The following NRK variants were observed in gnomAD, a reference collection of about 807,000 sequenced individuals.
The protein encoded by NRK is nik-related protein kinase.
NRK carries 67 observed loss-of-function variants against 125.2 expected under a neutral mutation model. The observed-to-expected ratio is 0.54, with a 90% CI of 0.44 to 0.66. NRK has a LOEUF of 0.66. Ranked by LOEUF, NRK falls within the 30% of genes least tolerant of loss-of-function variation. The pLI is 0.00. For synonymous variants in NRK, 458 were observed against 429.0 expected (o/e 1.07, Z -0.84); for missense variants, 1,224 against 1,192.9 (o/e 1.03, Z -0.38).
At chrX:105,826,205 A>T (rs2039095831) in intron 1 of NRK, among the ~76,000 whole-genome samples, 1 of 89,999 alleles carries the variant, frequency 1.1e-5, no homozygotes, top group East Asian at 3.2e-4. Flanking sequence ...ATATTATCAT[A>T]TATATAATAA....
At chrX:105,864,419 A>T (rs960106045) in intron 2 of NRK, among the ~76,000 whole-genome samples, 3 of 111,635 alleles carry the variant, frequency 2.7e-5, no homozygotes, top group Non-Finnish European at 5.6e-5. Flanking sequence ...CTTTTAAAAT[A>T]AAAAAAATTA....
intron 23 of NRK, among the ~76,000 whole-genome samples, chrX:105,940,402 C>T (rs919254750): frequency 7.3e-5 from 8 of 109,973 alleles, no homozygotes; most frequent in African/African-American, 2.3e-4. Context: ...ATAGCTTCAG[C>T]TATATAAATG....
chrX:105,828,928 T>C (rs988515777), intron 1 of NRK, among the ~76,000 whole-genome samples: 3 of 112,263 alleles, frequency 2.7e-5, no homozygotes, highest in Non-Finnish European at 5.6e-5. Flanking sequence ...TAACTGTGTA[T>C]TGTGATCTTA....
chrX:105,921,668 T>C (rs2099699610), intron 16 of NRK, among the ~76,000 whole-genome samples: 1 of 108,749 alleles, frequency 9.2e-6, no homozygotes, highest in Non-Finnish European at 1.9e-5. Context: ...AGTTGGACTA[T>C]GTATCTTCTT....
chrX:105,930,869 C>A (rs1167274495), intron 19 of NRK, among the ~76,000 whole-genome samples: 1 of 111,542 alleles, frequency 9.0e-6, no homozygotes, highest in East Asian at 2.8e-4. Context: ...GCCCAGGCTG[C>A]AAAAGTTTGT....
intron 5 of NRK, among the ~76,000 whole-genome samples, chrX:105,892,095 T>C (rs2040023068): frequency 8.9e-6 from 1 of 111,885 alleles, no homozygotes; most frequent in Admixed American, 9.6e-5. Context: ...GGTGTTGTGC[T>C]AGATGCTGAG....
intron 2 of NRK, among the ~76,000 whole-genome samples, chrX:105,869,332 C>A (rs771104576): frequency 9.0e-6 from 1 of 111,622 alleles, no homozygotes; most frequent in South Asian, 3.8e-4. Context: ...TCTCTCATGT[C>A]TATGTTTAAA....
rs1284599594 is a variant in NRK at position 105,949,648 on chromosome X, TC to T, written c.4428del (p.Phe1476LeufsTer29). On this transcript the variant is annotated frameshift_variant, in exon 27 of 29. Transcript: ENST00000243300. LOFTEE classifies it high-confidence loss of function. Reference protein sequence around the residue: ...DCLGIGMMLTFNAEALSVEAN... With the variant: ...DCLGIGMMLTXNAEALSVEAN... The stretch of plus-strand genomic sequence containing the variant: ...TTGGGAATTGGCATGATGCTCACCT[TC>T]AATGCTGAAGCCCTCTCTGTGGAAG... The T allele has an allele frequency of 8.4e-7, 1 of 1,193,834 alleles. No individual in the cohort carries two copies. Among genetic ancestry groups the T allele is most frequent in the Non-Finnish European group, 1.1e-6 (1 of 881,135 alleles).
intron 7 of NRK, among the ~76,000 whole-genome samples, chrX:105,895,996 A>G (rs1305495742): frequency 8.9e-6 from 1 of 112,030 alleles, no homozygotes; most frequent in Middle Eastern, 4.2e-3. Context: ...TCAGATATGT[A>G]AAGAAATGAT....
At chrX:105,906,655 G>A in intron 11 of NRK, 66 bp downstream of exon 11, 1 of 586,695 alleles carries the variant, frequency 1.7e-6, no homozygotes, top group Non-Finnish European at 2.5e-6. Flanking sequence ...ATTGTTTCCA[G>A]GAAAAAGTAA....
chrX:105,923,458 A>T lies in NRK; in HGVS notation c.2951A>T (p.Tyr984Phe), dbSNP rs1314003801. 8.8e-7 allele frequency: 1 copy of T among 1,139,179 alleles called. No homozygotes were observed. Among genetic ancestry groups the T allele is most frequent in the Admixed American group, 2.7e-5 (1 of 37,001 alleles). 93.9% of individuals were successfully genotyped at this position (1,139,179 alleles called of 1,213,427 possible). The part of the protein sequence containing the change: ...NKFVDDVNNN[Y>F]YEAPSCPRAS... ...TTTGTTGATGATGTAAATAATAATT[A>T]TTATGAGGCGCCTAGTTGTCCAAGG... Residue 984 changes from tyrosine to phenylalanine, a missense_variant, in exon 18 of 29, where the codon TAT becomes TTT. By Grantham distance (22) the Tyr-to-Phe change is conservative. Transcript: ENST00000243300.
chrX:105,860,215 C>T (rs1051812177), intron 2 of NRK, among the ~76,000 whole-genome samples: 2 of 111,037 alleles, frequency 1.8e-5, no homozygotes, highest in African/African-American at 3.3e-5. Flanking sequence ...AATTCAAAGA[C>T]AAAAATGCTT....
intron 2 of NRK, among the ~76,000 whole-genome samples, chrX:105,832,172 G>T (rs1038088793): frequency 4.5e-5 from 5 of 111,587 alleles, no homozygotes; most frequent in Non-Finnish European, 9.4e-5. Context: ...CATAAAGCAA[G>T]GGGGCTTAAT....
chrX:105,948,791 T>A, intron 26 of NRK: 1 of 439,925 alleles, frequency 2.3e-6, no homozygotes, highest in South Asian at 3.7e-5. Context: ...TTTTTTTTTT[T>A]AATGTGCTAG....
At chrX:105,830,617 A>T (rs1315184706) in intron 1 of NRK, among the ~76,000 whole-genome samples, 2 of 111,067 alleles carry the variant, frequency 1.8e-5, no homozygotes, top group Admixed American at 1.9e-4. Flanking sequence ...AACAAGGCAG[A>T]TTGGAAATAC....
rs866414588 is a variant in NRK at position 105,917,592 on chromosome X, C to G, written c.2432C>G (p.Ser811Cys). ...VKFSSSVPQR[S>C]LLEQAQKPID... is the part of the protein sequence containing the mutation. ...CTTTTCATTAGCGTTCCTCAGCGGTCTCTTTTGGAACAAGCTCAGAAGCCC... is the reference window on the plus strand; with the variant it reads ...CTTTTCATTAGCGTTCCTCAGCGGTGTCTTTTGGAACAAGCTCAGAAGCCC... The change falls in exon 16 of 29, where the codon TCT (serine) becomes TGT (cysteine). Residue 811 changes from serine (S) to cysteine (C), a missense_variant. Transcript: ENST00000243300. 8.6e-7 allele frequency: 1 copy of G among 1,159,835 alleles called. No individual in the cohort carries two copies. The highest frequency in any genetic ancestry group is 2.5e-5 in the Admixed American group (1 of 39,262).
chrX:105,880,520 A>G (rs1014809984), intron 3 of NRK, among the ~76,000 whole-genome samples: 30 of 111,113 alleles, frequency 2.7e-4, no homozygotes, highest in African/African-American at 9.5e-4. Flanking sequence ...ACTGAGGAAT[A>G]TATCTGTACT....
At chrX:105,826,123 AT>A (rs2039091729) in intron 1 of NRK, among the ~76,000 whole-genome samples, 1 of 94,845 alleles carries the variant, frequency 1.1e-5, no homozygotes, top group Non-Finnish European at 2.0e-5. Context: ...TGATATATAT[AT>A]ATATGGTAAG....
At position 105,909,599 on chromosome X, in the gene NRK, C is replaced by A; in HGVS notation, c.1958C>A (p.Ser653Ter). 1 of 1,204,088 alleles carries A rather than the reference C, an allele frequency of 8.3e-7. No individual in the cohort carries two copies. Among genetic ancestry groups the A allele is most frequent in the Middle Eastern group, 2.3e-4 (1 of 4,344 alleles). ...LSRDLLRAPN[S>*]NNSKPLGPLQ... Reference sequence around the variant, plus strand: ...AGAGACTTGCTTCGGGCACCAAACTCAAATAACTCAAAGCCACTTGGTCCG... The same window carrying A: ...AGAGACTTGCTTCGGGCACCAAACTAAAATAACTCAAAGCCACTTGGTCCG... Residue 653 changes from serine (S) to a stop codon, truncating the protein, a stop_gained, in exon 13 of 29, where the codon TCA becomes TAA. Coordinates refer to ENST00000243300, the MANE Select transcript of NRK (RefSeq NM_198465.4). LOFTEE classifies it high-confidence loss of function.
Sources: allele counts gnomAD v4.1 joint callset (sites outside exome capture counted in the v4.1 genomes callset), GRCh38; gene constraint gnomAD v4.1.1; transcripts MANE v1.5; gene names NCBI Gene and HGNC (gene_info 2026-07-23, HGNC 2026-07-21).